INHBA: variants seen among roughly 807,000 people sequenced by gnomAD.
The protein encoded by INHBA is inhibin subunit beta A.
In INHBA, 1 loss-of-function variant was observed where a neutral mutation model predicts 29.0. That is an observed-to-expected ratio of 0.03 (90% CI 0.01 to 0.16). The LOEUF is 0.16. INHBA is among the 10% of genes least tolerant of loss of function. The pLI is 1.00. For missense variants in INHBA, 376 were observed against 545.4 expected (o/e 0.69, Z 3.09); for synonymous variants, 242 against 216.8 (o/e 1.12, Z -1.02).
chr7:41,695,000 A>G lies in INHBA; in HGVS notation c.389-4458T>C, dbSNP rs1033917426. Among the ~76,000 whole-genome samples, 3 of 152,154 alleles carry G rather than the reference A, an allele frequency of 2.0e-5. 1 individual carries two copies. The South Asian group carries it at 6.2e-4, about 32-fold the overall frequency. Reference sequence around the variant, plus strand: ...TAAAAATGTTTTGAATAAGTCAATCATGAAGGCATGGCAAGGGTTAAGCAA... The same window carrying G: ...TAAAAATGTTTTGAATAAGTCAATCGTGAAGGCATGGCAAGGGTTAAGCAA... On this transcript the variant is annotated intron_variant, in intron 2 of 2. Transcript: ENST00000242208.
At chr7:41,701,632 A>G (rs1288869421) in intron 1 of INHBA, among the ~76,000 whole-genome samples, 2 of 152,108 alleles carry the variant, frequency 1.3e-5, no homozygotes, top group African/African-American at 2.4e-5. Flanking sequence ...ACTCTCACAC[A>G]TTACAGCCTA....
In INHBA at chr7:41,699,509, A is replaced by C. The variant is rs1794722919; in HGVS notation, c.388+478T>G. ...TAAAGGGGAAGGTTTGTTTTAAGAG[A>C]GTGACTTCATCTGTGCCATTCCACT... On this transcript the variant is annotated intron_variant, in intron 2 of 2. Coordinates refer to ENST00000242208, the MANE Select transcript of INHBA (RefSeq NM_002192.4). 1.3e-5 allele frequency among the ~76,000 whole-genome samples: 2 copies of C among 152,216 alleles called. 1 individual carries two copies. Among genetic ancestry groups the C allele is most frequent in the South Asian group, 4.1e-4 (2 of 4,820 alleles).
chr7:41,686,959 TC>T lies in INHBA; in HGVS notation c.*2690del, dbSNP rs1024827811. 6.6e-6 allele frequency: 1 copy of T among 152,222 alleles called. No individual in the cohort carries two copies. Among genetic ancestry groups the T allele is most frequent in the African/African-American group, 2.4e-5 (1 of 41,472 alleles). The allele number at this position is 152,222 out of a possible 1,614,324, so 9.4% of individuals were successfully genotyped here. On this transcript the variant is annotated 3_prime_UTR_variant, in exon 3 of 3. Transcript: ENST00000242208. ...ATGCAGTTCAAAATACTGCCAGTTTTCCAAGAAATTTTGTAAAGTTGAACAT... is the reference window on the plus strand; with the variant it reads ...ATGCAGTTCAAAATACTGCCAGTTTTCAAGAAATTTTGTAAAGTTGAACAT...
At chr7:41,695,958 C>T (rs1277269426) in intron 2 of INHBA, among the ~76,000 whole-genome samples, 6 of 152,154 alleles carry the variant, frequency 3.9e-5, no homozygotes, top group Admixed American at 6.5e-5. Flanking sequence ...AATATTACAA[C>T]GGACTTTCCA....
Position 41,700,146 on chromosome 7 carries a change from G to A in INHBA, c.229C>T (p.Pro77Ser). The change falls in exon 2 of 3, where the codon CCG (proline) becomes TCG (serine). Residue 77 changes from proline (P) to serine (S), a missense_variant. Pro to Ser is a moderately conservative substitution (Grantham distance 74). This residue lies in a region of INHBA where 253 missense variants were observed against 313.4 expected (regional missense o/e 0.81). Transcript: ENST00000242208. ...TTCAGAAGCGCCGCCTTGGGTACCG[G>A]CTGGGTGACATCGGGTCTCTTCTTC... ...HLKKRPDVTQ[P>S]VPKAALLNAI... 6.2e-7 allele frequency: 1 copy of A among 1,614,090 alleles called. No individual in the cohort carries two copies. The highest frequency in any genetic ancestry group is 2.2e-5 in the East Asian group (1 of 44,858).
chr7:41,704,985 C>T (rs1004348431), upstream of INHBA, among the ~76,000 whole-genome samples: 11 of 152,112 alleles, frequency 7.2e-5, no homozygotes, highest in African/African-American at 2.7e-4. Flanking sequence ...ACCAGCCGTG[C>T]TGCAACCCCT....
Position 41,690,418 on chromosome 7 carries a change from G to A in INHBA, c.513C>T (p.Val171=), listed in dbSNP as rs1380605250. The A allele has an allele frequency of 6.2e-7, 1 of 1,614,112 alleles. No homozygotes were observed. Among genetic ancestry groups the A allele is most frequent in the Non-Finnish European group, 8.5e-7 (1 of 1,180,030 alleles). The change falls in exon 3 of 3, where the codon GTC becomes GTT. Residue 171 remains valine (V), a synonymous_variant. Coordinates refer to ENST00000242208, the MANE Select transcript of INHBA (RefSeq NM_002192.4). ...TCTGCTGCTGGAAGAGGCGGATGGT[G>A]ACTTTGGTCCTGGTCCTGTTGGCCT... ...VPKANRTRTK[V]TIRLFQQQKH...
intron 2 of INHBA, among the ~76,000 whole-genome samples, chr7:41,696,953 T>G (rs1794663640): frequency 6.6e-6 from 1 of 152,208 alleles, no homozygotes; most frequent in South Asian, 2.1e-4. Context: ...CTATTCTTTC[T>G]ACAACAAGTG....
In INHBA at chr7:41,700,251, C is replaced by T. The variant is rs376794102; in HGVS notation, c.124G>A (p.Ala42Thr). 3 of 1,610,580 alleles carry T rather than the reference C, an allele frequency of 1.9e-6. No individual in the cohort carries two copies. The highest frequency in any genetic ancestry group is 2.5e-6 in the Non-Finnish European group (3 of 1,177,796). Residue 42 changes from alanine (A) to threonine (T), a missense_variant, in exon 2 of 3, where the codon GCC becomes ACC. This residue lies in a region of INHBA where 71 missense variants were observed against 77.0 expected (regional missense o/e 0.92). Coordinates refer to ENST00000242208, the MANE Select transcript of INHBA (RefSeq NM_002192.4). Reference sequence around the variant, plus strand: ...GAGTTGGGTACATCCTTTGGGAGGGCGGCCAGCGCACAGGACGGACAGTCG... The same window carrying T: ...GAGTTGGGTACATCCTTTGGGAGGGTGGCCAGCGCACAGGACGGACAGTCG... ...APDCPSCALA[A>T]LPKDVPNSQP...
Position 41,688,622 on chromosome 7 carries a change from A to AAACCCC in INHBA, c.*1022_*1027dup. 6.6e-6 allele frequency: 1 copy of AAACCCC among 150,432 alleles called. No homozygotes were observed. Among genetic ancestry groups the AAACCCC allele is most frequent in the Admixed American group, 6.6e-5 (1 of 15,102 alleles). 9.3% of individuals were successfully genotyped at this position (150,432 alleles called of 1,614,324 possible). Reference sequence around the variant, plus strand: ...ATAGCTCACATTAAGTGCAGCTCTTAAACCCCACCCCCACCCCCAACCAAA... The same window carrying AAACCCC: ...ATAGCTCACATTAAGTGCAGCTCTTAAACCCCAACCCCACCCCCACCCCCAACCAAA... On this transcript the variant is annotated 3_prime_UTR_variant, in exon 3 of 3. Transcript: ENST00000242208.
chr7:41,699,814 C>T (rs976320103), intron 2 of INHBA, among the ~76,000 whole-genome samples, 173 bp downstream of exon 2: 2 of 152,120 alleles, frequency 1.3e-5, no homozygotes, highest in Non-Finnish European at 1.5e-5. Context: ...TCCTCTCCCC[C>T]TCCCCTGCCT....
Position 41,688,768 on chromosome 7 carries a change from T to C in INHBA, c.*882A>G. 5.3e-6 allele frequency: 1 copy of C among 187,014 alleles called. No homozygotes were observed. Among genetic ancestry groups the C allele is most frequent in the Non-Finnish European group, 1.1e-5 (1 of 89,348 alleles). 11.6% of individuals were successfully genotyped at this position (187,014 alleles called of 1,614,324 possible). A position where few individuals can be genotyped will look rare whatever the true frequency, so the allele number is the denominator to read the frequency against. On this transcript the variant is annotated 3_prime_UTR_variant, in exon 3 of 3. Coordinates refer to ENST00000242208, the MANE Select transcript of INHBA (RefSeq NM_002192.4). ...TATAGAAATGTTTGGATCCAACAGA[T>C]GGACAAACATATTCCTTTCAAGTAT...
intron 2 of INHBA, among the ~76,000 whole-genome samples, chr7:41,699,385 A>G (rs1040483003): frequency 6.6e-6 from 1 of 152,196 alleles, no homozygotes; most frequent in Admixed American, 6.5e-5. Context: ...CCTGTCTTGA[A>G]TGTGGTGCCT....
intron 2 of INHBA, among the ~76,000 whole-genome samples, chr7:41,694,348 A>C (rs1330639435): frequency 6.6e-6 from 1 of 152,192 alleles, no homozygotes; most frequent in African/African-American, 2.4e-5. Context: ...GCTATACTGC[A>C]GTGACACTTT....
chr7:41,703,013 T>C lies in INHBA; in HGVS notation c.-152A>G, dbSNP rs1794827820. The C allele has an allele frequency of 6.6e-6, 1 of 152,206 alleles. No individual in the cohort carries two copies. The highest frequency in any genetic ancestry group is 1.5e-5 in the Non-Finnish European group (1 of 68,046). 9.4% of individuals were successfully genotyped at this position (152,206 alleles called of 1,614,324 possible). ...GAGTTAAAAAGCATTACCTTTCTGG[T>C]CCCCACTCTTCCACCAGCCGGCTCT... On this transcript the variant is annotated 5_prime_UTR_variant, in exon 1 of 3. Transcript: ENST00000242208.
At chr7:41,703,788 C>CAA (rs1204638015), upstream of INHBA, among the ~76,000 whole-genome samples, 1 of 150,966 alleles carries the variant, frequency 6.6e-6, no homozygotes, top group Admixed American at 6.6e-5. Context: ...CACACACACA[C>CAA]ACACAACAAC....
intron 2 of INHBA, among the ~76,000 whole-genome samples, chr7:41,693,252 T>A (rs1794561383): frequency 6.6e-6 from 1 of 152,132 alleles, no homozygotes; most frequent in African/African-American, 2.4e-5. Context: ...GGAGGCTTAA[T>A]AGGTTTGGGG....
At chr7:41,694,546 G>A (rs1007236087) in intron 2 of INHBA, among the ~76,000 whole-genome samples, 5 of 152,190 alleles carry the variant, frequency 3.3e-5, no homozygotes, top group Admixed American at 6.5e-5. Context: ...AGTTTGTACA[G>A]GTGCGACCTA....
At position 41,690,266 on chromosome 7, in the gene INHBA, G is replaced by T; in HGVS notation, c.665C>A (p.Pro222His). 1.2e-6 allele frequency: 2 copies of T among 1,614,066 alleles called. No individual in the cohort carries two copies. The highest frequency in any genetic ancestry group is 1.7e-6 in the Non-Finnish European group (2 of 1,180,014). The change falls in exon 3 of 3, where the codon CCT becomes CAT. Residue 222 changes from proline to histidine, a missense_variant. Coordinates refer to ENST00000242208, the MANE Select transcript of INHBA (RefSeq NM_002192.4). ...CAACCGCTGGATGCTGCTGGAGACAGGGAAGACATGCCAGGTGCTCTTCCG... is the reference window on the plus strand; with the variant it reads ...CAACCGCTGGATGCTGCTGGAGACATGGAAGACATGCCAGGTGCTCTTCCG... ...DARKSTWHVFPVSSSIQRLLD... is the reference protein window; with the variant it reads ...DARKSTWHVFHVSSSIQRLLD...
Sources: allele counts gnomAD v4.1 joint callset (sites outside exome capture counted in the v4.1 genomes callset), GRCh38; gene constraint gnomAD v4.1.1; regional missense constraint gnomAD v4.1.1; transcripts MANE v1.5; gene names NCBI Gene and HGNC (gene_info 2026-07-23, HGNC 2026-07-21).